Variants in XDH observed in about 807,000 individuals in gnomAD.
XDH encodes xanthine dehydrogenase, also known as xanthine dehydrogenase/oxidase.
XDH carries 138 observed loss-of-function variants against 156.1 expected under a neutral mutation model. That is an observed-to-expected ratio of 0.88 (90% CI 0.77 to 1.02). The LOEUF (loss-of-function observed/expected upper bound fraction) is 1.02. Among genes scored for constraint, XDH ranks in the 50% least tolerant of loss-of-function variants. XDH has a pLI of 0.00. For missense variants in XDH, 1,849 were observed against 1,684.9 expected (o/e 1.10, Z -1.71); for synonymous variants, 669 against 625.7 (o/e 1.07, Z -1.03).
chr2:31,338,831 C>G lies in XDH; in HGVS notation c.3774+658G>C, dbSNP rs183210751. Among the ~76,000 whole-genome samples the G allele has an allele frequency of 3.8e-4, 52 of 137,618 alleles. 1 individual carries two copies. In the East Asian group the frequency reaches 0.011, roughly 29 times the overall value. 90.3% of individuals were successfully genotyped at this position (137,618 alleles called of 152,430 possible). A position where few individuals can be genotyped will look rare whatever the true frequency, so the allele number is the denominator to read the frequency against. ...CTCTGCCTCCCAGGTTCAAAAGATTCTCGTGCCTAAGCCTCCTGAGTAGCT... is the reference window on the plus strand; with the variant it reads ...CTCTGCCTCCCAGGTTCAAAAGATTGTCGTGCCTAAGCCTCCTGAGTAGCT... On this transcript the variant is annotated intron_variant, in intron 34 of 35. Coordinates refer to ENST00000379416, the MANE Select transcript of XDH (RefSeq NM_000379.4).
intron 6 of XDH, among the ~76,000 whole-genome samples, chr2:31,391,800 T>A (rs943756104): frequency 6.6e-6 from 1 of 152,248 alleles, no homozygotes; most frequent in African/African-American, 2.4e-5. Context: ...CAAGTTCCAC[T>A]TATACATTGC....
intron 3 of XDH, 99 bp downstream of exon 3, chr2:31,402,941 TCACACATG>T: frequency 8.3e-7 from 1 of 1,211,034 alleles, no homozygotes; most frequent in Non-Finnish European, 1.2e-6. Context: ...AAACAGGGGC[TCACACATG>T]CGCACATGCA....
intron 23 of XDH, among the ~76,000 whole-genome samples, chr2:31,364,950 T>C (rs574333060): frequency 2.0e-5 from 3 of 152,248 alleles, no homozygotes; most frequent in East Asian, 1.9e-4. Flanking sequence ...AAAGGGTGCA[T>C]TGGTCATCCA....
chr2:31,352,791 G>A (rs1380854599), intron 24 of XDH, among the ~76,000 whole-genome samples: 5 of 151,786 alleles, frequency 3.3e-5, no homozygotes, highest in African/African-American at 1.2e-4. Flanking sequence ...GAAGTGTGAA[G>A]TTTCCTAACT....
intron 2 of XDH, among the ~76,000 whole-genome samples, chr2:31,404,490 T>C (rs1687146109): frequency 1.3e-5 from 2 of 152,242 alleles, no homozygotes; most frequent in African/African-American, 2.4e-5. Flanking sequence ...ATCCTACTTA[T>C]GTGCCAACTT....
chr2:31,368,499 G>C, intron 19 of XDH, 42 bp downstream of exon 19: 2 of 1,611,980 alleles, frequency 1.2e-6, no homozygotes, highest in Middle Eastern at 1.7e-4. Flanking sequence ...ATCCAGGGAC[G>C]GGGAGCTCAC....
chr2:31,397,278 T>C (rs746921199), intron 6 of XDH, among the ~76,000 whole-genome samples: 1 of 152,122 alleles, frequency 6.6e-6, no homozygotes, highest in Non-Finnish European at 1.5e-5. Flanking sequence ...GGAGGAGGGG[T>C]GCAAGTGCTG....
At chr2:31,403,812 T>A (rs1687126823) in intron 2 of XDH, among the ~76,000 whole-genome samples, 1 of 152,176 alleles carries the variant, frequency 6.6e-6, no homozygotes, top group Admixed American at 6.5e-5. Context: ...ACTGGTAAGC[T>A]ATTCTAGAGA....
At chr2:31,344,604 C>T in intron 31 of XDH, 80 bp downstream of exon 31, 1 of 1,531,794 alleles carries the variant, frequency 6.5e-7, no homozygotes, top group East Asian at 2.2e-5. Flanking sequence ...CACAGCCTGG[C>T]AGGATTCGGT....
chr2:31,364,578 G>A (rs943237890), intron 23 of XDH, among the ~76,000 whole-genome samples: 1 of 152,216 alleles, frequency 6.6e-6, no homozygotes, highest in South Asian at 2.1e-4. Flanking sequence ...GGGCGGGGGG[G>A]AAGCGCAGGG....
At chr2:31,392,416 A>ATTAT (rs377227561) in intron 6 of XDH, among the ~76,000 whole-genome samples, 3,817 of 149,832 alleles carry the variant, frequency 0.025, 67 homozygotes, top group Middle Eastern at 0.066. Context: ...TTTTATTTTT[A>ATTAT]TTATTTATTT....
rs1202209589 is a variant in XDH at position 31,401,298 on chromosome 2, G to T, written c.228C>A (p.Pro76=). The change falls in exon 4 of 36, where the codon CCC becomes CCA. Residue 76 remains proline (P), a synonymous_variant. Transcript: ENST00000379416. ...CTGCAACATGGTGCAAGGAGCAGAT[G>T]GGGGCCAGGCAGGCATTGGCAGAAA... ...VHFSANACLA[P]ICSLHHVAVT... The T allele has an allele frequency of 3.7e-6, 6 of 1,614,066 alleles. No homozygotes were observed. The highest frequency in any genetic ancestry group is 5.1e-6 in the Non-Finnish European group (6 of 1,180,040).
intron 32 of XDH, among the ~76,000 whole-genome samples, chr2:31,341,606 G>C (rs1685127559): frequency 6.6e-6 from 1 of 152,010 alleles, no homozygotes; most frequent in African/African-American, 2.4e-5. Flanking sequence ...GTAGCAGCCG[G>C]GTAGGAAGTG....
intron 33 of XDH, among the ~76,000 whole-genome samples, chr2:31,340,029 T>C (rs1685083242): frequency 6.6e-6 from 1 of 152,208 alleles, no homozygotes; most frequent in South Asian, 2.1e-4. Context: ...ATTTATTCGA[T>C]AGTAGATTCT....
chr2:31,349,487 C>A (rs1022953825), intron 26 of XDH, among the ~76,000 whole-genome samples, 199 bp downstream of exon 26: 1 of 152,158 alleles, frequency 6.6e-6, no homozygotes, highest in African/African-American at 2.4e-5. Flanking sequence ...GGCTATGACA[C>A]CGATTGCAGG....
At chr2:31,413,478 G>C (rs1687395136) in intron 1 of XDH, among the ~76,000 whole-genome samples, 1 of 152,150 alleles carries the variant, frequency 6.6e-6, no homozygotes, top group African/African-American at 2.4e-5. Context: ...ACCACTCAAA[G>C]AGAGTCCATC....
chr2:31,384,752 T>C (rs1447149013), intron 9 of XDH, among the ~76,000 whole-genome samples: 1 of 152,166 alleles, frequency 6.6e-6, no homozygotes, highest in Non-Finnish European at 1.5e-5. Flanking sequence ...TCCAGAATCT[T>C]CAAAGCTCCC....
intron 6 of XDH, among the ~76,000 whole-genome samples, chr2:31,389,261 T>C (rs971128638): frequency 6.6e-6 from 1 of 152,164 alleles, no homozygotes; most frequent in Non-Finnish European, 1.5e-5. Flanking sequence ...AAGAAAGCAC[T>C]CATGGGATGC....
In XDH at chr2:31,401,205, C is replaced by T; in HGVS notation, c.306+15G>A. 2 of 1,613,838 alleles carry T rather than the reference C, an allele frequency of 1.2e-6. No homozygotes were observed. Among genetic ancestry groups the T allele is most frequent in the East Asian group, 2.2e-5 (1 of 44,876 alleles). On this transcript the variant is annotated intron_variant, in intron 4 of 35. Transcript: ENST00000379416. ...AGCCTGATCTCAAGAGCACAGCTCC[C>T]TTTCCTCTGTTTACCTGCACAGGAT... is the stretch of plus-strand genomic sequence containing the variant.
Sources: gnomAD v4.1 joint callset for allele counts (sites outside exome capture counted in the v4.1 genomes callset) on GRCh38, gnomAD v4.1.1 for gene constraint, MANE v1.5 for transcripts, NCBI Gene and HGNC (gene_info 2026-07-23, HGNC 2026-07-21) for gene names.